The following OR52E4 variants were observed in gnomAD, a reference collection of about 807,000 sequenced individuals.
The protein encoded by OR52E4 is olfactory receptor 52E4.
For missense variants in OR52E4, 444 were observed against 383.8 expected, an observed-to-expected ratio of 1.16 and a Z score of -1.31; for synonymous variants, 169 against 137.4, an observed-to-expected ratio of 1.23 and a Z score of -1.61.
rs1310949443 is a variant in OR52E4, at chr11:5,884,569, G to A, written c.277G>A (p.Glu93Lys). 6.2e-7 allele frequency: 1 copy of A among 1,613,370 alleles called. No individual in the cohort carries two copies. Among genetic ancestry groups the A allele is most frequent in the Admixed American group, 1.7e-5 (1 of 59,880 alleles). Residue 93 changes from glutamate (E) to lysine (K), a missense_variant, in exon 2 of 2, where the codon GAG (glutamate) becomes AAG (lysine). Coordinates refer to ENST00000641726, the MANE Select transcript of OR52E4 (RefSeq NM_001005165.2). ...AGGAATCTTCTGGTTCAACCTCCAAGAGATCAGCTTTGGGGGATGCCTTCT... is the reference window on the plus strand; with the variant it reads ...AGGAATCTTCTGGTTCAACCTCCAAAAGATCAGCTTTGGGGGATGCCTTCT... ...MLGIFWFNLQ[E>K]ISFGGCLLQM...
intron 1 of OR52E4, among the ~76,000 whole-genome samples, chr11:5,882,733 T>A (rs1193494492): frequency 6.6e-6 from 1 of 151,884 alleles, no homozygotes; most frequent in African/African-American, 2.4e-5. Context: ...ACTCTCTGTC[T>A]CTGTCACACA....
In OR52E4 at chr11:5,886,303, TA is replaced by T; in HGVS notation, c.*1074del. ...CTTTTACATTCGTTCTCTGATAAAGTAAGTCTTTGTGAATTTAGGGATATGA... is the reference window on the plus strand; with the variant it reads ...CTTTTACATTCGTTCTCTGATAAAGTAGTCTTTGTGAATTTAGGGATATGA... On this transcript the variant is annotated 3_prime_UTR_variant, in exon 2 of 2. Transcript: ENST00000641726. 1 of 151,906 alleles carries T rather than the reference TA, an allele frequency of 6.6e-6. No homozygotes were observed. Among genetic ancestry groups the T allele is most frequent in the Admixed American group, 6.6e-5 (1 of 15,210 alleles). 9.4% of individuals were successfully genotyped at this position (151,906 alleles called of 1,614,324 possible). A position where few individuals can be genotyped will look rare whatever the true frequency, so the allele number is the denominator to read the frequency against.
chr11:5,885,099 T>C lies in OR52E4; in HGVS notation c.807T>C (p.Ile269=). The change falls in exon 2 of 2, where the codon ATT becomes ATC. Residue 269 remains isoleucine, a synonymous_variant. Transcript: ENST00000641726. ...SFMTHRFGQN[I]PHYIHILLAN... ...TGACACATCGTTTTGGCCAAAACAT[T>C]CCCCACTATATCCATATTCTTTTGG... 1 of 1,613,494 alleles carries C rather than the reference T, an allele frequency of 6.2e-7. No homozygotes were observed. The highest frequency in any genetic ancestry group is 8.5e-7 in the Non-Finnish European group (1 of 1,179,694).
Position 5,885,541 on chromosome 11 carries a change from C to T in OR52E4, c.*310C>T, listed in dbSNP as rs1382475546. 4.3e-6 allele frequency: 1 copy of T among 232,090 alleles called. No homozygotes were observed. The highest frequency in any genetic ancestry group is 5.1e-5 in the Admixed American group (1 of 19,636). 14.4% of individuals were successfully genotyped at this position (232,090 alleles called of 1,614,324 possible). On this transcript the variant is annotated 3_prime_UTR_variant, in exon 2 of 2. Transcript: ENST00000641726. ...GGTAGCTCCATTTTTTTCCATATGT[C>T]TTCTCTCTAGGTAAGTTTAGATCCT...
chr11:5,884,586 A>G lies in OR52E4; in HGVS notation c.294A>G (p.Gly98=). 6.2e-7 allele frequency: 1 copy of G among 1,613,286 alleles called. No individual in the cohort carries two copies. Residue 98 remains glycine, a synonymous_variant, in exon 2 of 2, where the codon GGA becomes GGG. Transcript: ENST00000641726. ...ACCTCCAAGAGATCAGCTTTGGGGG[A>G]TGCCTTCTTCAGATGTTCTTTATTC... ...WFNLQEISFG[G]CLLQMFFIHM... is the part of the protein sequence containing the mutation.
Position 5,886,250 on chromosome 11 carries a change from T to A in OR52E4, c.*1019T>A, listed in dbSNP as rs1000183543. On this transcript the variant is annotated 3_prime_UTR_variant, in exon 2 of 2. Coordinates refer to ENST00000641726, the MANE Select transcript of OR52E4 (RefSeq NM_001005165.2). ...ATATATATCCTATTAGTTCAGTCCC[T>A]CTAGAGAACACTGACTAATACACTT... 2.6e-5 allele frequency: 4 copies of A among 151,828 alleles called. No homozygotes were observed. Among genetic ancestry groups the A allele is most frequent in the Admixed American group, 2.6e-4 (4 of 15,220 alleles). 9.4% of individuals were successfully genotyped at this position (151,828 alleles called of 1,614,324 possible).
chr11:5,881,100 TTGTA>T (rs1462139472), intron 1 of OR52E4, among the ~76,000 whole-genome samples: 1 of 152,184 alleles, frequency 6.6e-6, no homozygotes, highest in Non-Finnish European at 1.5e-5. Flanking sequence ...CAGACTTCTT[TTGTA>T]TGTGTTTATT....
At position 5,884,973 on chromosome 11, in the gene OR52E4, T is replaced by G. The variant is rs11823828; in HGVS notation, c.681T>G (p.Phe227Leu). The G allele has an allele frequency of 0.41, 664,112 of 1,609,514 alleles. 138,961 individuals carry two copies. Among genetic ancestry groups the G allele is most frequent in the Non-Finnish European group, 0.43 (508,969 of 1,176,240 alleles). ...ATGTGCTTATCCTTAGAGCTGTTTT[T>G]CGCCTTCCCTCTCAAGATGTCCGAC... Reference protein sequence around the residue: ...SSYVLILRAVFRLPSQDVRLK... With the variant: ...SSYVLILRAVLRLPSQDVRLK... Residue 227 changes from phenylalanine (F) to leucine (L), a missense_variant, in exon 2 of 2, where the codon TTT (phenylalanine) becomes TTG (leucine). Coordinates refer to ENST00000641726, the MANE Select transcript of OR52E4 (RefSeq NM_001005165.2).
At chr11:5,882,025 C>A (rs988713718) in intron 1 of OR52E4, among the ~76,000 whole-genome samples, 2 of 151,984 alleles carry the variant, frequency 1.3e-5, no homozygotes, top group Non-Finnish European at 2.9e-5. Context: ...TTGGTGAGCA[C>A]AATAAGAGAA....
chr11:5,884,589 C>T lies in OR52E4; in HGVS notation c.297C>T (p.Cys99=), dbSNP rs771059673. 5 of 1,613,254 alleles carry T rather than the reference C, an allele frequency of 3.1e-6. No homozygotes were observed. Among genetic ancestry groups the T allele is most frequent in the South Asian group, 2.2e-5 (2 of 91,070 alleles). ...TCCAAGAGATCAGCTTTGGGGGATG[C>T]CTTCTTCAGATGTTCTTTATTCACA... is the stretch of plus-strand genomic sequence containing the variant. ...FNLQEISFGG[C]LLQMFFIHMF... The change falls in exon 2 of 2, where the codon TGC becomes TGT. Residue 99 remains cysteine (C), a synonymous_variant. Transcript: ENST00000641726.
chr11:5,882,136 C>CA (rs2134274218), intron 1 of OR52E4, among the ~76,000 whole-genome samples: 1 of 152,080 alleles, frequency 6.6e-6, no homozygotes, highest in African/African-American at 2.4e-5. Flanking sequence ...AATTTGCCCT[C>CA]AAAAAATGAT....
Position 5,884,635 on chromosome 11 carries a change from G to A in OR52E4, c.343G>A (p.Val115Ile). The A allele has an allele frequency of 6.2e-7, 1 of 1,613,558 alleles. No homozygotes were observed. The highest frequency in any genetic ancestry group is 1.1e-5 in the South Asian group (1 of 91,072). The change falls in exon 2 of 2, where the codon GTT (valine) becomes ATT (isoleucine). Residue 115 changes from valine (V) to isoleucine (I), a missense_variant. Transcript: ENST00000641726. ...FIHMFTGMET[V>I]LLVVMAYDRF... The stretch of plus-strand genomic sequence containing the variant: ...TCACATGTTTACAGGCATGGAGACT[G>A]TTCTGTTGGTGGTCATGGCTTATGA...
Position 5,880,701 on chromosome 11 carries a change from G to C in OR52E4, c.-88G>C, listed in dbSNP as rs1054654062. 2.0e-5 allele frequency: 3 copies of C among 152,236 alleles called. No individual in the cohort carries two copies. 9.4% of individuals were successfully genotyped at this position (152,236 alleles called of 1,614,324 possible). On this transcript the variant is annotated 5_prime_UTR_variant, in exon 1 of 2. Coordinates refer to ENST00000641726, the MANE Select transcript of OR52E4 (RefSeq NM_001005165.2). ...CTGCTCCAAGTGAGGGCTGGGAGAA[G>C]AAATATTACAGAGGTAAGAATGCTT...
intron 1 of OR52E4, among the ~76,000 whole-genome samples, chr11:5,881,403 G>T (rs550528416): frequency 1.3e-5 from 2 of 152,228 alleles, no homozygotes; most frequent in South Asian, 2.1e-4. Flanking sequence ...TTCATCAACT[G>T]CTTTGGTCTC....
intron 1 of OR52E4, among the ~76,000 whole-genome samples, chr11:5,883,560 A>G (rs1445057142): frequency 1.3e-5 from 2 of 151,620 alleles, no homozygotes; most frequent in African/African-American, 4.8e-5. Flanking sequence ...GCAAAATTTA[A>G]ATATTTAATA....
At chr11:5,882,698 G>GTC (rs779364972) in intron 1 of OR52E4, among the ~76,000 whole-genome samples, 187 of 109,128 alleles carry the variant, frequency 1.7e-3, no homozygotes, top group South Asian at 0.01. Flanking sequence ...AACCTTCTCC[G>GTC]TCTCTCTCTC....
At chr11:5,881,842 C>G (rs1409930269) in intron 1 of OR52E4, among the ~76,000 whole-genome samples, 1 of 151,962 alleles carries the variant, frequency 6.6e-6, no homozygotes, top group Non-Finnish European at 1.5e-5. Context: ...ACTGATCTAT[C>G]TGGTTAAAGA....
chr11:5,883,583 TAACA>T (rs779297000), intron 1 of OR52E4, among the ~76,000 whole-genome samples: 3 of 151,636 alleles, frequency 2.0e-5, no homozygotes, highest in Non-Finnish European at 4.4e-5. Flanking sequence ...AAAATAATAT[TAACA>T]AACTATTATA....
chr11:5,883,596 T>C (rs1846993749), intron 1 of OR52E4, among the ~76,000 whole-genome samples: 1 of 151,686 alleles, frequency 6.6e-6, no homozygotes, highest in African/African-American at 2.4e-5. Context: ...CAAACTATTA[T>C]ATAAAACATA....
Sources: gnomAD v4.1 joint callset for allele counts (sites outside exome capture counted in the v4.1 genomes callset) on GRCh38, gnomAD v4.1.1 for gene constraint, MANE v1.5 for transcripts, NCBI Gene and HGNC (gene_info 2026-07-23, HGNC 2026-07-21) for gene names.